Variants in KIAA1549 observed in about 807,000 individuals in gnomAD.
KIAA1549 encodes KIAA1549, also known as UPF0606 protein KIAA1549.
A neutral mutation model predicts 156.4 loss-of-function variants in KIAA1549; 70 were observed. The observed-to-expected ratio is 0.45, with a 90% CI of 0.37 to 0.55. The LOEUF is 0.55. KIAA1549 is among the 20% of genes least tolerant of loss of function. KIAA1549 has a pLI of 0.00. For missense variants in KIAA1549, 2,428 were observed against 2,540.9 expected, an observed-to-expected ratio of 0.96 and a Z score of 0.96; for synonymous variants, 1,103 against 1,066.4, an observed-to-expected ratio of 1.03 and a Z score of -0.67.
chr7:138,889,529 G>C (rs888272396), intron 10 of KIAA1549, among the ~76,000 whole-genome samples: 8 of 152,148 alleles, frequency 5.3e-5, no homozygotes, highest in Admixed American at 1.3e-4. Flanking sequence ...AACAAGATGC[G>C]ACACAGGGTC....
intron 11 of KIAA1549, among the ~76,000 whole-genome samples, 179 bp from the exon 12 acceptor site, chr7:138,879,832 C>G (rs186500030): frequency 5.1e-4 from 78 of 152,330 alleles, no homozygotes; most frequent in Admixed American, 1.7e-3. Context: ...CAGTCACCTC[C>G]TGAAGACAGA....
intron 1 of KIAA1549, among the ~76,000 whole-genome samples, chr7:138,933,209 G>A (rs1373161347): frequency 6.6e-6 from 1 of 152,228 alleles, no homozygotes; most frequent in African/African-American, 2.4e-5. Flanking sequence ...GATGGTACCT[G>A]GAGGGTCTGG....
At chr7:138,910,599 T>C (rs1321141802) in intron 4 of KIAA1549, among the ~76,000 whole-genome samples, 4 of 152,014 alleles carry the variant, frequency 2.6e-5, no homozygotes, top group African/African-American at 7.3e-5. Flanking sequence ...GGTTTCGCCA[T>C]GTTGCCCAGG....
At chr7:138,844,814 C>T (rs1810027154) in intron 17 of KIAA1549, among the ~76,000 whole-genome samples, 1 of 152,108 alleles carries the variant, frequency 6.6e-6, no homozygotes, top group South Asian at 2.1e-4. Context: ...TCACGACGCT[C>T]ACACTGCACC....
At chr7:138,849,222 TGTG>T (rs1429088508) in intron 17 of KIAA1549, among the ~76,000 whole-genome samples, 4 of 152,072 alleles carry the variant, frequency 2.6e-5, no homozygotes, top group African/African-American at 4.8e-5. Flanking sequence ...CCTCTCTTAA[TGTG>T]GTATTTATTT....
chr7:138,902,390 C>T (rs925507400), intron 8 of KIAA1549, among the ~76,000 whole-genome samples: 1 of 152,162 alleles, frequency 6.6e-6, no homozygotes, highest in Non-Finnish European at 1.5e-5. Flanking sequence ...CAGCCAACAC[C>T]CCCTGCTTCA....
At chr7:138,946,401 G>C (rs1395565583) in intron 1 of KIAA1549, among the ~76,000 whole-genome samples, 1 of 152,120 alleles carries the variant, frequency 6.6e-6, no homozygotes, top group Admixed American at 6.5e-5. Flanking sequence ...CTACTGTCGT[G>C]GTACAATTAC....
intron 1 of KIAA1549, among the ~76,000 whole-genome samples, chr7:138,960,278 T>G (rs566754652): frequency 2.0e-5 from 3 of 148,178 alleles, no homozygotes; most frequent in South Asian, 4.4e-4. Context: ...TCTACAAAAA[T>G]AAATTTTATT....
intron 1 of KIAA1549, among the ~76,000 whole-genome samples, chr7:138,978,018 T>C (rs911035838): frequency 6.6e-6 from 1 of 152,186 alleles, no homozygotes; most frequent in African/African-American, 2.4e-5. Context: ...CTTCTCTATG[T>C]AGCTATTCAT....
At chr7:138,867,343 T>A (rs961357212) in intron 15 of KIAA1549, among the ~76,000 whole-genome samples, 1 of 151,900 alleles carries the variant, frequency 6.6e-6, no homozygotes, top group African/African-American at 2.4e-5. Context: ...TCACTTGAGG[T>A]CAGGAGTTTG....
chr7:138,908,799 T>G (rs190913434), intron 5 of KIAA1549, among the ~76,000 whole-genome samples, 192 bp downstream of exon 5: 1 of 152,336 alleles, frequency 6.6e-6, no homozygotes, highest in East Asian at 1.9e-4. Flanking sequence ...TCAGCTACTC[T>G]GCAACCCTCA....
At chr7:138,883,104 AAAAAAAAAAAAAAT>A (rs1459961401) in intron 10 of KIAA1549, among the ~76,000 whole-genome samples, 3 of 145,096 alleles carry the variant, frequency 2.1e-5, no homozygotes, top group African/African-American at 5.2e-5. Flanking sequence ...AAAAAAAAAA[AAAAAAAAAAAAAAT>A]TCAGCCAGAC....
intron 10 of KIAA1549, among the ~76,000 whole-genome samples, chr7:138,885,990 A>G (rs779932256): frequency 2.0e-4 from 30 of 152,048 alleles, no homozygotes; most frequent in Non-Finnish European, 3.8e-4. Context: ...CACCCAGCTG[A>G]TAACTGCTGC....
In KIAA1549 at chr7:138,871,261, G is replaced by A. The variant is rs1239505324; in HGVS notation, c.4447C>T (p.Pro1483Ser). 1 of 1,612,150 alleles carries A rather than the reference G, an allele frequency of 6.2e-7. No individual in the cohort carries two copies. Among genetic ancestry groups the A allele is most frequent in the African/African-American group, 1.3e-5 (1 of 74,900 alleles). The stretch of plus-strand genomic sequence containing the variant: ...ATGGCGATAAGCTGGATCTTACTGG[G>A]GACCCGCCGGCTAGCCTCCGGGGGG... Reference protein sequence around the residue: ...SRPPEASRRVPSKIQLIAMQP... With the variant: ...SRPPEASRRVSSKIQLIAMQP... Residue 1483 changes from proline (P) to serine (S), a missense_variant, in exon 13 of 20, where the codon CCC (proline) becomes TCC (serine). By Grantham distance (74) the Pro-to-Ser change is moderately conservative. Transcript: ENST00000422774.
Position 138,837,790 on chromosome 7 carries a change from T to G in KIAA1549, c.*116A>C. Reference sequence around the variant, plus strand: ...CTAAATTGCAACTTGCTCCCTCCCTTGGGCAGGCTGCCCGAGAGTTGCTCC... The same window carrying G: ...CTAAATTGCAACTTGCTCCCTCCCTGGGGCAGGCTGCCCGAGAGTTGCTCC... On this transcript the variant is annotated 3_prime_UTR_variant, in exon 20 of 20. Coordinates refer to ENST00000422774, the MANE Select transcript of KIAA1549 (RefSeq NM_001164665.2). 8.0e-7 allele frequency: 1 copy of G among 1,247,580 alleles called. No homozygotes were observed. The highest frequency in any genetic ancestry group is 1.1e-6 in the Non-Finnish European group (1 of 907,854). The allele number at this position is 1,247,580 out of a possible 1,614,324, so 77.3% of individuals were successfully genotyped here.
At chr7:138,874,163 A>G (rs1265390221) in intron 12 of KIAA1549, among the ~76,000 whole-genome samples, 1 of 151,026 alleles carries the variant, frequency 6.6e-6, no homozygotes, top group Non-Finnish European at 1.5e-5. Flanking sequence ...CTCCCTGGGT[A>G]ATAATGATTA....
At chr7:138,841,099 T>G (rs377036234) in intron 18 of KIAA1549, among the ~76,000 whole-genome samples, 102 of 152,286 alleles carry the variant, frequency 6.7e-4, no homozygotes, top group African/African-American at 2.4e-3. Flanking sequence ...GGTACTTCCA[T>G]TCATCTCTGT....
Position 138,831,687 on chromosome 7 carries a change from G to A in KIAA1549, c.*6219C>T, listed in dbSNP as rs1273837057. The A allele has an allele frequency of 8.7e-6, 2 of 230,542 alleles. No individual in the cohort carries two copies. Among genetic ancestry groups the A allele is most frequent in the East Asian group, 6.2e-5 (1 of 16,234 alleles). The allele number at this position is 230,542 out of a possible 1,614,324, so 14.3% of individuals were successfully genotyped here. ...GGCCTCAATTTGCTCTGCACATTTCGTACATTAACGCTCATAATCTAGGGA... is the reference window on the plus strand; with the variant it reads ...GGCCTCAATTTGCTCTGCACATTTCATACATTAACGCTCATAATCTAGGGA... On this transcript the variant is annotated 3_prime_UTR_variant, in exon 20 of 20. Transcript: ENST00000422774.
chr7:138,872,217 G>A (rs1042887667), intron 12 of KIAA1549, among the ~76,000 whole-genome samples: 1 of 152,072 alleles, frequency 6.6e-6, no homozygotes, highest in Non-Finnish European at 1.5e-5. Flanking sequence ...AAAGTGCTGG[G>A]ATTACAGGCA....
Sources: allele counts gnomAD v4.1 joint callset (sites outside exome capture counted in the v4.1 genomes callset), GRCh38; gene constraint gnomAD v4.1.1; transcripts MANE v1.5; gene names NCBI Gene and HGNC (gene_info 2026-07-23, HGNC 2026-07-21).